DRC11: variants seen among roughly 807,000 people sequenced by gnomAD.
DRC11 encodes IQ and AAA domain-containing protein 1.
At chr2:236,503,807 G>A in the DRC11 span, 1 of 1,028,878 alleles carries the variant, frequency 9.7e-7, no homozygotes, top group Non-Finnish European at 1.5e-6. The surrounding 1 kb of genome is among the most constrained non-coding windows in gnomAD (Gnocchi z 4.9). Context: ...GCCAGCCTGG[G>A]GAGCCCCCAC....
At chr2:236,493,500 C>T in the DRC11 span, among the ~76,000 whole-genome samples, 7 of 152,160 alleles carry the variant, frequency 4.6e-5, no homozygotes, top group Non-Finnish European at 7.4e-5. Flanking sequence ...CATTAAACTG[C>T]GTTGATAATC....
chr2:236,340,517 T>C, the DRC11 span, among the ~76,000 whole-genome samples: 24 of 152,226 alleles, frequency 1.6e-4, no homozygotes, highest in Non-Finnish European at 2.9e-4. Flanking sequence ...GAGAAGAGAC[T>C]TGCCTTAAAG....
At chr2:236,351,414 A>G in the DRC11 span, among the ~76,000 whole-genome samples, 1 of 152,120 alleles carries the variant, frequency 6.6e-6, no homozygotes, top group African/African-American at 2.4e-5. The surrounding 1 kb of genome is among the most constrained non-coding windows in gnomAD (Gnocchi z 7.3). Flanking sequence ...GAGAGGGGGA[A>G]GCACCCTTCC....
At chr2:236,358,502 A>ACATTT in the DRC11 span, among the ~76,000 whole-genome samples, 1 of 144,370 alleles carries the variant, frequency 6.9e-6, no homozygotes, top group Non-Finnish European at 1.5e-5. Context: ...CATGCAATAA[A>ACATTT]CATTTCACAG....
the DRC11 span, among the ~76,000 whole-genome samples, chr2:236,341,727 C>G: frequency 1.3e-5 from 2 of 152,186 alleles, no homozygotes; most frequent in Admixed American, 6.5e-5. Flanking sequence ...GGTTTCCCCC[C>G]CATGTCTTCC....
At chr2:236,338,368 G>A in the DRC11 span, 2 of 1,612,658 alleles carry the variant, frequency 1.2e-6, no homozygotes, top group Non-Finnish European at 8.5e-7. Flanking sequence ...GTTTTTTCAG[G>A]CGTTTAGGTT....
chr2:236,358,053 ATATAT>A, the DRC11 span, among the ~76,000 whole-genome samples: 13 of 119,468 alleles, frequency 1.1e-4, no homozygotes, highest in East Asian at 2.6e-3. Flanking sequence ...ATATATAGAT[ATATAT>A]TATATGAATA....
the DRC11 span, among the ~76,000 whole-genome samples, chr2:236,341,056 C>G: frequency 1.3e-5 from 2 of 152,174 alleles, no homozygotes; most frequent in African/African-American, 4.8e-5. Context: ...GCCTGCCAGC[C>G]CCTCACAACT....
the DRC11 span, among the ~76,000 whole-genome samples, chr2:236,366,857 G>C: frequency 7.4e-6 from 1 of 134,864 alleles, no homozygotes; most frequent in Non-Finnish European, 1.7e-5. Flanking sequence ...TCTTTCGATG[G>C]AGTTTCACTC....
At chr2:236,451,229 A>AG in the DRC11 span, among the ~76,000 whole-genome samples, 1 of 152,106 alleles carries the variant, frequency 6.6e-6, no homozygotes, top group Non-Finnish European at 1.5e-5. Flanking sequence ...TAATTATATT[A>AG]GGGGCAAAGG....
the DRC11 span, among the ~76,000 whole-genome samples, chr2:236,354,378 G>A: frequency 6.9e-6 from 1 of 145,582 alleles, no homozygotes; most frequent in East Asian, 2.0e-4. Context: ...GCTAGTAACA[G>A]GAACATGTTG....
At chr2:236,491,240 T>C in the DRC11 span, among the ~76,000 whole-genome samples, 225 of 52,468 alleles carry the variant, frequency 4.3e-3, 6 homozygotes, top group Middle Eastern at 8.9e-3. Flanking sequence ...TATATATATA[T>C]ACACAGTATA....
At chr2:236,440,943 T>C in the DRC11 span, 1 of 715,618 alleles carries the variant, frequency 1.4e-6, no homozygotes, top group Non-Finnish European at 2.4e-6. Context: ...TGTAGGAAAA[T>C]AACCAAGACC....
At chr2:236,367,878 A>C in the DRC11 span, 1 of 364,078 alleles carries the variant, frequency 2.7e-6, no homozygotes, top group Non-Finnish European at 5.3e-6. The surrounding 1 kb of genome is among the most constrained non-coding windows in gnomAD (Gnocchi z 4.8). Context: ...TGGTAGCCCT[A>C]GCCCGTTCTC....
At chr2:236,395,551 G>T in the DRC11 span, among the ~76,000 whole-genome samples, 4 of 152,184 alleles carry the variant, frequency 2.6e-5, no homozygotes, top group South Asian at 8.3e-4. Flanking sequence ...TCCTGCATTT[G>T]AAGTGAATTG....
the DRC11 span, chr2:236,503,798 C>A: frequency 8.8e-7 from 1 of 1,139,570 alleles, no homozygotes; most frequent in East Asian, 2.6e-5. This position sits in a 1 kb window ranked among gnomAD's most constrained non-coding sequence, Gnocchi z 4.9. Context: ...CTCGGCCACG[C>A]CAGCCTGGGG....
At chr2:236,366,873 G>A in the DRC11 span, among the ~76,000 whole-genome samples, 18 of 141,190 alleles carry the variant, frequency 1.3e-4, no homozygotes, top group Admixed American at 8.8e-4. Flanking sequence ...CACTCTTGTC[G>A]CCCAGGCTGG....
the DRC11 span, among the ~76,000 whole-genome samples, chr2:236,421,867 G>A: frequency 1.3e-5 from 2 of 152,166 alleles, no homozygotes; most frequent in African/African-American, 4.8e-5. Context: ...CCATGATCAA[G>A]TGGGCTTCAT....
the DRC11 span, among the ~76,000 whole-genome samples, chr2:236,313,555 G>A: frequency 6.6e-6 from 1 of 152,114 alleles, no homozygotes; most frequent in East Asian, 1.9e-4. This position sits in a 1 kb window ranked among gnomAD's most constrained non-coding sequence, Gnocchi z 4.5. Flanking sequence ...GCACTCTTGG[G>A]CCCTTATCCC....
Sources: gnomAD v4.1 joint callset for allele counts (sites outside exome capture counted in the v4.1 genomes callset) on GRCh38, gnomAD v4.1.1 for gene constraint, Gnocchi (gnomAD v3.1) non-coding constraint, MANE v1.5 for transcripts, NCBI Gene and HGNC (gene_info 2026-07-23, HGNC 2026-07-21) for gene names.